PTPRQ: variants seen among roughly 807,000 people sequenced by gnomAD.
The protein encoded by PTPRQ is protein tyrosine phosphatase receptor type Q.
Under a neutral mutation model 246.0 loss-of-function variants are expected in PTPRQ, and 199 were observed. The observed-to-expected ratio is 0.81, with a 90% CI of 0.72 to 0.91. The LOEUF (loss-of-function observed/expected upper bound fraction) is 0.91. PTPRQ is among the 40% of genes least tolerant of loss of function. The pLI, the probability that PTPRQ is intolerant of heterozygous loss-of-function variation, is 0.00. For synonymous variants in PTPRQ, 869 were observed against 853.2 expected (o/e 1.02, Z -0.32); for missense variants, 2,624 against 2,528.4 (o/e 1.04, Z -0.81).
chr12:80,623,485 G>T (rs1268572815), intron 33 of PTPRQ, among the ~76,000 whole-genome samples: 1 of 152,054 alleles, frequency 6.6e-6, no homozygotes, highest in African/African-American at 2.4e-5. Context: ...CATTTGATAG[G>T]TGAGTCTATC....
intron 17 of PTPRQ, among the ~76,000 whole-genome samples, chr12:80,518,465 C>A (rs1224480290): frequency 6.6e-6 from 1 of 152,066 alleles, no homozygotes; most frequent in Non-Finnish European, 1.5e-5. Context: ...GTTTTCTTTG[C>A]TGTACAGAAG....
intron 3 of PTPRQ, among the ~76,000 whole-genome samples, chr12:80,446,966 A>G (rs891525983): frequency 1.3e-5 from 2 of 151,910 alleles, no homozygotes; most frequent in African/African-American, 4.8e-5. Flanking sequence ...CGGTAGATCT[A>G]TTTTCAGGTC....
intron 33 of PTPRQ, among the ~76,000 whole-genome samples, chr12:80,630,332 T>C (rs558634951): frequency 6.6e-6 from 1 of 152,326 alleles, no homozygotes; most frequent in South Asian, 2.1e-4. Context: ...TGGTTTTCTC[T>C]TGATGTCCTT....
intron 26 of PTPRQ, among the ~76,000 whole-genome samples, chr12:80,598,867 C>A (rs12314869): frequency 0.017 from 2,594 of 151,980 alleles, 81 homozygotes; most frequent in African/African-American, 0.059. Flanking sequence ...GTGATCATAA[C>A]GAGGTACACT....
intron 25 of PTPRQ, among the ~76,000 whole-genome samples, chr12:80,584,794 T>C (rs1897557020): frequency 6.6e-6 from 1 of 152,150 alleles, no homozygotes; most frequent in Non-Finnish European, 1.5e-5. Context: ...AAATGTATCT[T>C]ATGTTCAGAT....
chr12:80,599,111 C>T (rs1158755593), intron 26 of PTPRQ, among the ~76,000 whole-genome samples: 1 of 151,920 alleles, frequency 6.6e-6, no homozygotes, highest in African/African-American at 2.4e-5. Context: ...AGCTAACACA[C>T]TCAGCATCAA....
intron 23 of PTPRQ, 81 bp downstream of exon 23, chr12:80,542,962 G>C (rs1735981822): frequency 2.1e-6 from 2 of 944,238 alleles, no homozygotes; most frequent in Non-Finnish European, 3.0e-6. Flanking sequence ...GGAGGAAAAT[G>C]GACTACTAAA....
chr12:80,546,104 G>A (rs1896297670), intron 23 of PTPRQ, among the ~76,000 whole-genome samples: 1 of 152,048 alleles, frequency 6.6e-6, no homozygotes, highest in Non-Finnish European at 1.5e-5. Context: ...GATCACCTCA[G>A]GTCAGGAGTT....
rs1896191871 is a variant in PTPRQ at position 80,542,744 on chromosome 12, C to T, written c.3736C>T (p.Pro1246Ser). Residue 1246 changes from proline to serine, a missense_variant, in exon 23 of 45, where the codon CCA (proline) becomes TCA (serine). Physicochemically the swap from Pro to Ser is moderately conservative, Grantham distance 74. Coordinates refer to ENST00000644991, the MANE Select transcript of PTPRQ (RefSeq NM_001145026.2). ...TTTTCCTACAGTGCCGTTAGCACCTCCACAAAATTTGACTTTAATCAACTG... is the reference window on the plus strand; with the variant it reads ...TTTTCCTACAGTGCCGTTAGCACCTTCACAAAATTTGACTTTAATCAACTG... ...YTDESVPLAPPQNLTLINCTS... is the reference protein window; with the variant it reads ...YTDESVPLAPSQNLTLINCTS... The T allele has an allele frequency of 6.5e-7, 1 of 1,544,036 alleles. No individual in the cohort carries two copies. Among genetic ancestry groups the T allele is most frequent in the East Asian group, 2.5e-5 (1 of 40,534 alleles).
intron 25 of PTPRQ, among the ~76,000 whole-genome samples, chr12:80,565,078 C>A (rs1374776632): frequency 6.6e-6 from 1 of 152,130 alleles, no homozygotes; most frequent in African/African-American, 2.4e-5. Context: ...CTGTAAAATA[C>A]TGAGGCCATT....
chr12:80,472,344 T>C, intron 8 of PTPRQ, 93 bp downstream of exon 8: 1 of 1,466,298 alleles, frequency 6.8e-7, no homozygotes, highest in Non-Finnish European at 9.2e-7. Flanking sequence ...TTGTTTTACA[T>C]TTACTTAAAT....
At chr12:80,666,115 G>T (rs1028064131) in intron 39 of PTPRQ, among the ~76,000 whole-genome samples, 1 of 151,986 alleles carries the variant, frequency 6.6e-6, no homozygotes, top group Non-Finnish European at 1.5e-5. Flanking sequence ...CTATGCTTAC[G>T]CAGTAAGTGC....
At chr12:80,525,150 T>C (rs1224493109) in intron 17 of PTPRQ, among the ~76,000 whole-genome samples, 1 of 152,132 alleles carries the variant, frequency 6.6e-6, no homozygotes, top group African/African-American at 2.4e-5. Context: ...TAGTACAGTT[T>C]GAATACACAG....
At chr12:80,452,637 C>T in intron 3 of PTPRQ, among the ~76,000 whole-genome samples, 1 of 152,076 alleles carries the variant, frequency 6.6e-6, no homozygotes, top group Non-Finnish European at 1.5e-5. Context: ...CTTAGTTTGG[C>T]TGGATATGAA....
At chr12:80,651,717 T>G (rs982225084) in intron 37 of PTPRQ, among the ~76,000 whole-genome samples, 2 of 152,112 alleles carry the variant, frequency 1.3e-5, no homozygotes, top group African/African-American at 4.8e-5. Context: ...ATAAGTGCTC[T>G]TTCAGTCTAT....
rs1466507132 is a variant in PTPRQ at position 80,541,815 on chromosome 12, G to T, written c.3415G>T (p.Ala1139Ser). The T allele has an allele frequency of 3.9e-6, 6 of 1,548,730 alleles. No individual in the cohort carries two copies. Among genetic ancestry groups the T allele is most frequent in the Admixed American group, 3.9e-5 (2 of 50,708 alleles). ...TEKGFSDTYT[A>S]QLYIKTEEDV... is the part of the protein sequence containing the mutation. ...AAAGGGATTCTCTGATACCTATACT[G>T]CCCAGCTATACATCAAGACTGAAGA... is the stretch of plus-strand genomic sequence containing the variant. Residue 1139 changes from alanine to serine, a missense_variant, in exon 21 of 45, where the codon GCC becomes TCC. Coordinates refer to ENST00000644991, the MANE Select transcript of PTPRQ (RefSeq NM_001145026.2).
intron 43 of PTPRQ, 53 bp downstream of exon 43, chr12:80,673,357 G>T: frequency 1.3e-6 from 2 of 1,516,994 alleles, no homozygotes; most frequent in African/African-American, 1.4e-5. Flanking sequence ...TTCCACATGG[G>T]AGATCTTAGT....
intron 3 of PTPRQ, chr12:80,454,636 G>T (rs2120443971): frequency 1.5e-6 from 1 of 669,426 alleles, no homozygotes; most frequent in Non-Finnish European, 2.7e-6. Context: ...TTTGACATAT[G>T]TTCCTTTGAT....
intron 8 of PTPRQ, among the ~76,000 whole-genome samples, chr12:80,473,051 A>ACACACGCGCGCGCG (rs1555185246): frequency 1.7e-4 from 23 of 135,968 alleles, no homozygotes; most frequent in African/African-American, 6.8e-4. Context: ...ACACACGCAC[A>ACACACGCGCGCGCG]CACACACACA....
Sources: allele counts gnomAD v4.1 joint callset (sites outside exome capture counted in the v4.1 genomes callset), GRCh38; gene constraint gnomAD v4.1.1; transcripts MANE v1.5; gene names NCBI Gene and HGNC (gene_info 2026-07-23, HGNC 2026-07-21).